TSPAN5: variants seen among roughly 807,000 people sequenced by gnomAD.
TSPAN5 encodes tetraspanin 5.
In TSPAN5, 10 loss-of-function variants were observed where a neutral mutation model predicts 37.1. That is an observed-to-expected ratio of 0.27 (90% CI 0.17 to 0.46). The LOEUF (loss-of-function observed/expected upper bound fraction) is 0.46. Among genes scored for constraint, TSPAN5 ranks in the 20% least tolerant of loss-of-function variants. TSPAN5 has a pLI of 1.00. For missense variants in TSPAN5, 195 were observed against 326.6 expected, an observed-to-expected ratio of 0.60 and a Z score of 3.11; for synonymous variants, 110 against 118.9, an observed-to-expected ratio of 0.93 and a Z score of 0.48.
rs377171057 is a variant in TSPAN5, at chr4:98,543,187, T to C, written c.82-35459A>G. On this transcript the variant is annotated intron_variant, in intron 1 of 7. Transcript: ENST00000305798. ...TTTACACACACCCTCATCATTTTCA[T>C]TGACTCTTTGAGCTAACTGGCCAAT... Among the ~76,000 whole-genome samples the C allele has an allele frequency of 9.5e-4, 144 of 152,316 alleles. 2 individuals are homozygous for C. The highest frequency in any genetic ancestry group is 3.2e-3 in the African/African-American group (134 of 41,578).
At chr4:98,620,834 A>C (rs2110247565) in intron 1 of TSPAN5, among the ~76,000 whole-genome samples, 1 of 152,308 alleles carries the variant, frequency 6.6e-6, no homozygotes, top group Middle Eastern at 3.4e-3. Flanking sequence ...CTGGTGCTTG[A>C]CAGCACTTAG....
chr4:98,642,379 C>T (rs883510), intron 1 of TSPAN5, among the ~76,000 whole-genome samples: 45,847 of 152,004 alleles, frequency 0.3, 7,365 homozygotes, highest in Non-Finnish European at 0.36. Context: ...GACTTAGTAA[C>T]TTCATAGTTC....
chr4:98,574,052 A>G (rs1755181744), intron 1 of TSPAN5, among the ~76,000 whole-genome samples: 1 of 152,242 alleles, frequency 6.6e-6, no homozygotes, highest in Admixed American at 6.5e-5. Flanking sequence ...AAAGGCCAAG[A>G]GTTTCCTACA....
chr4:98,618,630 T>C (rs1323639764), intron 1 of TSPAN5, among the ~76,000 whole-genome samples: 1 of 152,180 alleles, frequency 6.6e-6, no homozygotes, highest in African/African-American at 2.4e-5. Flanking sequence ...CCTAGGGTCA[T>C]ATCAATAAAA....
intron 1 of TSPAN5, among the ~76,000 whole-genome samples, chr4:98,635,814 C>T (rs28591094): frequency 0.23 from 34,473 of 152,086 alleles, 4,117 homozygotes; most frequent in Middle Eastern, 0.3. Flanking sequence ...TTTTTAGTAT[C>T]ATTATAGATT....
At chr4:98,589,366 T>C (rs1173904411) in intron 1 of TSPAN5, among the ~76,000 whole-genome samples, 1 of 152,206 alleles carries the variant, frequency 6.6e-6, no homozygotes, top group South Asian at 2.1e-4. Flanking sequence ...CAGATGTCAG[T>C]GCTTAACAGC....
At chr4:98,567,782 G>C (rs1755038304) in intron 1 of TSPAN5, among the ~76,000 whole-genome samples, 1 of 152,074 alleles carries the variant, frequency 6.6e-6, no homozygotes, top group African/African-American at 2.4e-5. Flanking sequence ...GTAGAAACGA[G>C]TTCAGTTAGT....
At chr4:98,641,501 A>C (rs1447663716) in intron 1 of TSPAN5, among the ~76,000 whole-genome samples, 1 of 152,226 alleles carries the variant, frequency 6.6e-6, no homozygotes, top group Non-Finnish European at 1.5e-5. Flanking sequence ...GCTCATTCCA[A>C]AGCATGAGAG....
chr4:98,608,459 C>T (rs1352348858), intron 1 of TSPAN5, among the ~76,000 whole-genome samples: 1 of 152,130 alleles, frequency 6.6e-6, no homozygotes, highest in Non-Finnish European at 1.5e-5. Context: ...CCCTTCTGAG[C>T]CCAGCACAGC....
At chr4:98,646,357 T>C (rs1051947785) in intron 1 of TSPAN5, among the ~76,000 whole-genome samples, 1 of 152,184 alleles carries the variant, frequency 6.6e-6, no homozygotes, top group African/African-American at 2.4e-5. Context: ...GCAGGATTTA[T>C]GATACCATAA....
chr4:98,602,064 C>T lies in TSPAN5; in HGVS notation c.81+56082G>A, dbSNP rs58368718. Among the ~76,000 whole-genome samples the T allele has an allele frequency of 5.2e-3, 798 of 152,192 alleles. 7 individuals carry two copies. The highest frequency in any genetic ancestry group is 0.018 in the African/African-American group (739 of 41,534). ...CACACCAAAACAATTACAATAGTAA[C>T]ATCAAAGATCACTGATCACAGATCA... is the stretch of plus-strand genomic sequence containing the variant. On this transcript the variant is annotated intron_variant, in intron 1 of 7. Coordinates refer to ENST00000305798, the MANE Select transcript of TSPAN5 (RefSeq NM_005723.4).
intron 3 of TSPAN5, chr4:98,482,906 G>A (rs1009658236): frequency 2.6e-5 from 4 of 152,044 alleles, no homozygotes; most frequent in African/African-American, 9.7e-5. Context: ...GGAGACTTCC[G>A]CTTAATGTAG....
chr4:98,592,683 G>A (rs868153214), intron 1 of TSPAN5, among the ~76,000 whole-genome samples: 53 of 147,316 alleles, frequency 3.6e-4, no homozygotes, highest in Admixed American at 2.3e-3. Context: ...GAGAATATGC[G>A]GTGTTTGGTT....
intron 1 of TSPAN5, among the ~76,000 whole-genome samples, chr4:98,537,890 TG>T (rs1226468982): frequency 4.6e-5 from 7 of 152,258 alleles, no homozygotes; most frequent in Non-Finnish European, 1.0e-4. Flanking sequence ...TTTGAGGTGC[TG>T]CTCATGGTAG....
At chr4:98,504,326 C>T (rs1184569175) in intron 2 of TSPAN5, among the ~76,000 whole-genome samples, 2 of 152,140 alleles carry the variant, frequency 1.3e-5, no homozygotes, top group Non-Finnish European at 1.5e-5. Context: ...ACACTGTCTA[C>T]CAGGCTGGGG....
intron 1 of TSPAN5, among the ~76,000 whole-genome samples, chr4:98,526,657 C>T (rs1390912015): frequency 6.6e-6 from 1 of 150,646 alleles, no homozygotes; most frequent in Non-Finnish European, 1.5e-5. Context: ...TCAGAGAAGG[C>T]CACCAGATGC....
chr4:98,652,220 A>C (rs1472413429), intron 1 of TSPAN5, among the ~76,000 whole-genome samples: 1 of 152,122 alleles, frequency 6.6e-6, no homozygotes, highest in Non-Finnish European at 1.5e-5. Context: ...GGGCTTATGA[A>C]AGTGAGACAG....
chr4:98,559,724 C>T (rs1754836920), intron 1 of TSPAN5, among the ~76,000 whole-genome samples: 1 of 152,140 alleles, frequency 6.6e-6, no homozygotes, highest in South Asian at 2.1e-4. Flanking sequence ...ATTTTTAGCC[C>T]CTGTATCTTC....
chr4:98,588,305 C>T (rs1421140739), intron 1 of TSPAN5, among the ~76,000 whole-genome samples: 2 of 151,822 alleles, frequency 1.3e-5, no homozygotes, highest in African/African-American at 4.8e-5. Context: ...TGGCCAGTAA[C>T]AGAGACCGCA....
Sources: allele counts gnomAD v4.1 joint callset (sites outside exome capture counted in the v4.1 genomes callset), GRCh38; gene constraint gnomAD v4.1.1; transcripts MANE v1.5; gene names NCBI Gene and HGNC (gene_info 2026-07-23, HGNC 2026-07-21).